Variants in OCM observed in about 807,000 individuals in gnomAD.
OCM encodes oncomodulin-1.
In OCM, 18 loss-of-function variants were observed where a neutral mutation model predicts 14.1. The ratio of observed to expected loss-of-function variants is 1.28; its 90% CI spans 0.88 to 1.89. The LOEUF is 1.89. Ranked by LOEUF, OCM falls within the 40% of genes most tolerant of loss-of-function variation. OCM has a pLI of 0.00. For synonymous variants in OCM, 48 were observed against 51.0 expected, an observed-to-expected ratio of 0.94 and a Z score of 0.25; for missense variants, 140 against 137.6, an observed-to-expected ratio of 1.02 and a Z score of -0.09.
rs1380080623 is a variant in OCM, at chr7:5,886,236, G to A, written c.*147G>A. On this transcript the variant is annotated 3_prime_UTR_variant, in exon 4 of 4. Coordinates refer to ENST00000242104, the MANE Select transcript of OCM (RefSeq NM_001097622.2). The stretch of plus-strand genomic sequence containing the variant: ...TCTGCAGTTTGCTCATTGTTTTAGT[G>A]AGGTCACGAGGGAGTCACTCCTGAC... The A allele has an allele frequency of 8.6e-7, 1 of 1,160,110 alleles. No individual in the cohort carries two copies. The highest frequency in any genetic ancestry group is 1.2e-6 in the Non-Finnish European group (1 of 807,320). The allele number at this position is 1,160,110 out of a possible 1,614,324, so 71.9% of individuals were successfully genotyped here.
chr7:5,860,686 G>A, the OCM span, among the ~76,000 whole-genome samples: 47,453 of 51,142 alleles, frequency 0.93, 22,219 homozygotes, highest in East Asian at 0.98. Context: ...ATATACGTGT[G>A]TATATATTAT....
the OCM span, among the ~76,000 whole-genome samples, chr7:5,860,977 G>A: frequency 6.6e-6 from 1 of 151,884 alleles, no homozygotes; most frequent in Admixed American, 6.6e-5. Context: ...GGTGAAAACT[G>A]CTGGAGAACT....
At chr7:5,878,540 A>G (rs1423375645), upstream of OCM, among the ~76,000 whole-genome samples, 2 of 151,490 alleles carry the variant, frequency 1.3e-5, no homozygotes, top group East Asian at 4.0e-4. Context: ...AGGTCAGGAG[A>G]TCAAGACCAT....
upstream of OCM, among the ~76,000 whole-genome samples, chr7:5,876,484 A>T (rs1781098376): frequency 6.6e-6 from 1 of 152,086 alleles, no homozygotes; most frequent in Non-Finnish European, 1.5e-5. Flanking sequence ...GGGCGAGGTG[A>T]TGCTGGTTGG....
the OCM span, among the ~76,000 whole-genome samples, chr7:5,869,760 C>T: frequency 6.6e-6 from 1 of 152,232 alleles, no homozygotes; most frequent in Non-Finnish European, 1.5e-5. Flanking sequence ...CACCGCCCTG[C>T]CCATAATCCG....
upstream of OCM, among the ~76,000 whole-genome samples, chr7:5,875,911 C>T (rs1332108510): frequency 1.3e-5 from 2 of 151,792 alleles, no homozygotes. Context: ...TTGTAACTTG[C>T]AGCAGCCGTT....
At chr7:5,861,669 C>T in the OCM span, among the ~76,000 whole-genome samples, 182 of 152,224 alleles carry the variant, frequency 1.2e-3, 1 homozygote, top group Non-Finnish European at 1.9e-3. Flanking sequence ...TGGCATGGGT[C>T]AGCCCTCCTC....
At chr7:5,864,834 A>G in the OCM span, among the ~76,000 whole-genome samples, 11 of 152,178 alleles carry the variant, frequency 7.2e-5, no homozygotes, top group South Asian at 2.3e-3. Context: ...GCTACTTGAG[A>G]AACTGAGGCA....
chr7:5,877,815 A>G (rs1479564950), upstream of OCM, among the ~76,000 whole-genome samples: 1 of 57,540 alleles, frequency 1.7e-5, no homozygotes. Context: ...GCAAGACTCC[A>G]TCTCAAAAAA....
upstream of OCM, among the ~76,000 whole-genome samples, chr7:5,876,234 C>T (rs1781092886): frequency 6.6e-6 from 1 of 152,054 alleles, no homozygotes; most frequent in Non-Finnish European, 1.5e-5. Flanking sequence ...GAACTCCTGA[C>T]CTCAGGTAAT....
the OCM span, among the ~76,000 whole-genome samples, chr7:5,873,263 G>A: frequency 6.6e-6 from 1 of 152,066 alleles, no homozygotes; most frequent in African/African-American, 2.4e-5. Context: ...GTAAATCCAA[G>A]CTACTTGGGA....
At position 5,882,548 on chromosome 7, in the gene OCM, G is replaced by A. The variant is rs1467547451; in HGVS notation, c.117G>A (p.Met39Ile). 1 of 1,614,140 alleles carries A rather than the reference G, an allele frequency of 6.2e-7. No individual in the cohort carries two copies. The highest frequency in any genetic ancestry group is 8.5e-7 in the Non-Finnish European group (1 of 1,180,018). The change falls in exon 2 of 4, where the codon ATG becomes ATA. Residue 39 changes from methionine to isoleucine, a missense_variant. Physicochemically the swap from Met to Ile is conservative, Grantham distance 10 (BLOSUM62 1). Transcript: ENST00000242104. ...KFFQTSGLSK[M>I]SANQVKDVFR... ...TCCAGACATCAGGCCTCTCCAAGAT[G>A]TCAGCCAATCAGGTGAAGGATGTTT... is the stretch of plus-strand genomic sequence containing the variant.
At chr7:5,866,670 C>G in the OCM span, among the ~76,000 whole-genome samples, 2 of 152,132 alleles carry the variant, frequency 1.3e-5, no homozygotes, top group Non-Finnish European at 2.9e-5. Context: ...CCAGTAATAA[C>G]TGCTAAAACC....
At chr7:5,869,738 C>T in the OCM span, among the ~76,000 whole-genome samples, 1 of 152,166 alleles carries the variant, frequency 6.6e-6, no homozygotes, top group Non-Finnish European at 1.5e-5. Flanking sequence ...TCTGCACTAC[C>T]CAGCAACAAC....
upstream of OCM, among the ~76,000 whole-genome samples, chr7:5,875,849 TTC>T (rs1248059413): frequency 2.0e-5 from 3 of 151,794 alleles, no homozygotes; most frequent in Non-Finnish European, 2.9e-5. Context: ...TTTTTTTTTT[TTC>T]CTGAGACAAG....
chr7:5,885,222 C>G (rs567670056), intron 3 of OCM, among the ~76,000 whole-genome samples: 124 of 152,102 alleles, frequency 8.2e-4, no homozygotes, highest in African/African-American at 2.9e-3. Context: ...TCTGTAACAT[C>G]CATACCTTGT....
chr7:5,886,074 A>T lies in OCM; in HGVS notation c.315A>T (p.Glu105Asp). 6.2e-7 allele frequency: 1 copy of T among 1,614,082 alleles called. No homozygotes were observed. Among genetic ancestry groups the T allele is most frequent in the Non-Finnish European group, 8.5e-7 (1 of 1,179,966 alleles). The change falls in exon 4 of 4, where the codon GAA becomes GAT. Residue 105 changes from glutamate (E) to aspartate (D), a missense_variant. By Grantham distance (45) the Glu-to-Asp change is conservative. Transcript: ENST00000242104. ...DGKIGAEEFQEMVHS is the reference protein window; with the variant it reads ...DGKIGAEEFQDMVHS Reference sequence around the variant, plus strand: ...CCTCTTCTGTTCTAGAATTCCAGGAAATGGTGCATTCTTAAAAGCCCCAGT... The same window carrying T: ...CCTCTTCTGTTCTAGAATTCCAGGATATGGTGCATTCTTAAAAGCCCCAGT...
chr7:5,880,034 T>G (rs934928132), upstream of OCM: 1 of 152,204 alleles, frequency 6.6e-6, no homozygotes, highest in Non-Finnish European at 1.5e-5. Context: ...CTCAGGTGCT[T>G]AGACTCCTGT....
chr7:5,882,714 A>G, intron 2 of OCM, 89 bp downstream of exon 2: 2 of 1,489,062 alleles, frequency 1.3e-6, no homozygotes, highest in Non-Finnish European at 1.8e-6. Context: ...TATTTCTTCA[A>G]TGGCCAGCCT....
Sources: gnomAD v4.1 joint callset for allele counts (sites outside exome capture counted in the v4.1 genomes callset) on GRCh38, gnomAD v4.1.1 for gene constraint, MANE v1.5 for transcripts, NCBI Gene and HGNC (gene_info 2026-07-23, HGNC 2026-07-21) for gene names.